Variants in LARP1B observed in about 807,000 individuals in gnomAD.
LARP1B encodes La ribonucleoprotein 1B.
LARP1B carries 76 observed loss-of-function variants against 114.2 expected under a neutral mutation model. The observed-to-expected ratio is 0.67, with a 90% CI of 0.55 to 0.81. The LOEUF (loss-of-function observed/expected upper bound fraction) is 0.81, where lower values mean the gene tolerates loss of function less well. LARP1B is among the 30% of genes least tolerant of loss of function. The pLI, the probability that LARP1B is intolerant of heterozygous loss-of-function variation, is 0.00. For synonymous variants in LARP1B, 345 were observed against 348.0 expected (o/e 0.99, Z 0.10); for missense variants, 1,014 against 1,075.8 (o/e 0.94, Z 0.80).
chr4:128,184,136 G>A (rs1749508037), intron 15 of LARP1B, among the ~76,000 whole-genome samples: 1 of 152,192 alleles, frequency 6.6e-6, no homozygotes, highest in African/African-American at 2.4e-5. Flanking sequence ...TAAAGCAGTG[G>A]CAGGGTTTGA....
intron 1 of LARP1B, among the ~76,000 whole-genome samples, chr4:128,065,040 C>T (rs1224126823): frequency 6.6e-6 from 1 of 152,090 alleles, no homozygotes; most frequent in Non-Finnish European, 1.5e-5. Context: ...CTTCATTCTC[C>T]AGTCTTCACT....
At chr4:128,199,416 C>CT in intron 15 of LARP1B, 23 bp from the exon 16 acceptor site, 2 of 1,465,328 alleles carry the variant, frequency 1.4e-6, no homozygotes. Flanking sequence ...ATTTTGAAGG[C>CT]TTTTTTCCCC....
At chr4:128,124,898 TTAGA>T (rs1789067674) in intron 11 of LARP1B, among the ~76,000 whole-genome samples, 1 of 152,256 alleles carries the variant, frequency 6.6e-6, no homozygotes, top group Admixed American at 6.5e-5. Flanking sequence ...ACAGGTTGAA[TTAGA>T]TAGGAATGAA....
intron 12 of LARP1B, among the ~76,000 whole-genome samples, chr4:128,172,070 A>C: frequency 6.6e-6 from 1 of 152,058 alleles, no homozygotes; most frequent in African/African-American, 2.4e-5. Context: ...TTATTTCCTC[A>C]AAAAAAATTT....
chr4:128,212,904 ATCTC>A (rs1307711831), downstream of LARP1B, among the ~76,000 whole-genome samples: 1 of 138,272 alleles, frequency 7.2e-6, no homozygotes, highest in Admixed American at 8.0e-5. Context: ...AATCATTTAA[ATCTC>A]TCTCTTTTTT....
intron 10 of LARP1B, among the ~76,000 whole-genome samples, chr4:128,118,985 A>G (rs1258016659): frequency 6.6e-6 from 1 of 151,410 alleles, no homozygotes; most frequent in Non-Finnish European, 1.5e-5. Flanking sequence ...GGTTCAAGCA[A>G]TTCTTCTGCC....
At chr4:128,193,607 T>A (rs1752992674) in intron 15 of LARP1B, among the ~76,000 whole-genome samples, 1 of 152,074 alleles carries the variant, frequency 6.6e-6, no homozygotes, top group Non-Finnish European at 1.5e-5. Context: ...TTTTTTATTT[T>A]ATTTTTTTAT....
rs1229143444 is a variant in LARP1B, at chr4:128,091,345, A to G, written c.503-2A>G. On this transcript the variant is annotated splice_acceptor_variant, in intron 6 of 19. Transcript: ENST00000326639. LOFTEE classifies it high-confidence loss of function. ...CCTTTCTTTTTCTTTATTCACATCA[A>G]GTGAACTTTGATTATTCATATGGTT... 1 of 1,605,806 alleles carries G rather than the reference A, an allele frequency of 6.2e-7. No individual in the cohort carries two copies.
Position 128,176,897 on chromosome 4 carries a change from T to A in LARP1B, c.1674T>A (p.Ile558=). The A allele has an allele frequency of 6.2e-7, 1 of 1,613,948 alleles. No individual in the cohort carries two copies. Among genetic ancestry groups the A allele is most frequent in the Non-Finnish European group, 8.5e-7 (1 of 1,179,838 alleles). Residue 558 remains isoleucine, a synonymous_variant, in exon 13 of 20, where the codon ATT becomes ATA. Transcript: ENST00000326639. ...GAGGTGTTCAAGGAGTGCTTCACAT[T>A]CCCAAGAAAGGTAACATCTGTGGTG... is the stretch of plus-strand genomic sequence containing the variant. ...RQGGVQGVLH[I]PKKDLTDELA...
At position 128,176,856 on chromosome 4, in the gene LARP1B, T is replaced by C; in HGVS notation, c.1649-16T>C. 1 of 1,612,708 alleles carries C rather than the reference T, an allele frequency of 6.2e-7. No individual in the cohort carries two copies. Among genetic ancestry groups the C allele is most frequent in the Non-Finnish European group, 8.5e-7 (1 of 1,178,698 alleles). On this transcript the variant is annotated splice_polypyrimidine_tract_variant and intron_variant, in intron 12 of 19. Coordinates refer to ENST00000326639, the MANE Select transcript of LARP1B (RefSeq NM_018078.4). ...CAGACACAGCACAAAAAGGGACTAA[T>C]TAACTCTCTTGGCAGGAGGTGTTCA...
intron 7 of LARP1B, chr4:128,092,673 A>G (rs1335333824): frequency 1.6e-6 from 1 of 621,968 alleles, no homozygotes; most frequent in African/African-American, 2.0e-5. Context: ...AAATTTCTTT[A>G]TCATCATCAG....
Position 128,210,106 on chromosome 4 carries a change from TAG to T in LARP1B, c.*55_*56del. 1 of 1,610,918 alleles carries T rather than the reference TAG, an allele frequency of 6.2e-7. No individual in the cohort carries two copies. The stretch of plus-strand genomic sequence containing the variant: ...AAGAAATGGTGAAATGCCTGAGAAA[TAG>T]ACTCTTATGAAAGTTCTTTGTCCTT... On this transcript the variant is annotated 3_prime_UTR_variant, in exon 20 of 20. Transcript: ENST00000326639.
intron 4 of LARP1B, 79 bp downstream of exon 4, chr4:128,078,041 C>A: frequency 1.1e-6 from 1 of 921,728 alleles, no homozygotes; most frequent in Non-Finnish European, 1.6e-6. Context: ...ATTAACTGAT[C>A]TCTGGTAGTC....
rs946449409 is a variant in LARP1B at position 128,114,528 on chromosome 4, A to G, written c.989-42A>G. ...TGAAGTGTATTTTGTAAGTAAGAAA[A>G]GCCATTATCATTTTAACTATAGAAC... On this transcript the variant is annotated intron_variant, in intron 9 of 19. Transcript: ENST00000326639. 7 of 1,406,092 alleles carry G rather than the reference A, an allele frequency of 5.0e-6. No homozygotes were observed. In the African/African-American group the frequency reaches 7.2e-5, roughly 15 times the overall value. The allele number at this position is 1,406,092 out of a possible 1,614,324, so 87.1% of individuals were successfully genotyped here. A position where few individuals can be genotyped will look rare whatever the true frequency, so the allele number is the denominator to read the frequency against.
rs921302309 is a variant in LARP1B at position 128,177,469 on chromosome 4, C to T, written c.1684+562C>T. Among the ~76,000 whole-genome samples the T allele has an allele frequency of 1.5e-4, 23 of 151,710 alleles. 1 individual carries two copies. Among genetic ancestry groups the T allele is most frequent in the Admixed American group, 1.4e-3 (22 of 15,220 alleles). On this transcript the variant is annotated intron_variant, in intron 13 of 19. Coordinates refer to ENST00000326639, the MANE Select transcript of LARP1B (RefSeq NM_018078.4). ...ATTCATCTGCTGGCTTGTTTGTTATCTTACCATAAGATTTTCATGAACAAA... is the reference window on the plus strand; with the variant it reads ...ATTCATCTGCTGGCTTGTTTGTTATTTTACCATAAGATTTTCATGAACAAA...
At chr4:128,115,127 G>A (rs370046487) in intron 10 of LARP1B, among the ~76,000 whole-genome samples, 1 of 152,136 alleles carries the variant, frequency 6.6e-6, no homozygotes, top group South Asian at 2.1e-4. Flanking sequence ...TAGTAGAGAC[G>A]GGGTTTCACC....
chr4:128,107,401 AG>A, intron 9 of LARP1B, 88 bp downstream of exon 9: 1 of 1,532,850 alleles, frequency 6.5e-7, no homozygotes, highest in Non-Finnish European at 8.8e-7. Context: ...CAGTTTATTT[AG>A]ATTTGATAGG....
intron 11 of LARP1B, chr4:128,123,484 C>A: frequency 1.4e-6 from 1 of 711,300 alleles, no homozygotes. Context: ...CTTTACCCAG[C>A]TTTGTTTTTC....
intron 3 of LARP1B, 97 bp from the exon 4 acceptor site, chr4:128,077,691 G>C (rs753761146): frequency 7.7e-5 from 99 of 1,280,196 alleles, no homozygotes; most frequent in Non-Finnish European, 9.9e-5. Context: ...TTTGTCATTT[G>C]TTTTGCAATT....
Sources: allele counts gnomAD v4.1 joint callset (sites outside exome capture counted in the v4.1 genomes callset), GRCh38; gene constraint gnomAD v4.1.1; transcripts MANE v1.5; gene names NCBI Gene and HGNC (gene_info 2026-07-23, HGNC 2026-07-21).